The following FGGY variants were observed in gnomAD, a reference collection of about 807,000 sequenced individuals.
The protein encoded by FGGY is FGGY carbohydrate kinase domain-containing protein.
A neutral mutation model predicts 71.3 loss-of-function variants in FGGY; 72 were observed. That is an observed-to-expected ratio of 1.01 (90% CI 0.84 to 1.23). FGGY has a LOEUF of 1.23. FGGY is among the 50% of genes most tolerant of loss of function. FGGY has a pLI of 0.00. For missense variants in FGGY, 668 were observed against 682.3 expected (o/e 0.98, Z 0.23); for synonymous variants, 251 against 250.3 (o/e 1.00, Z -0.02).
In FGGY at chr1:59,531,520, T is replaced by C. The variant is rs866917611; in HGVS notation, c.799+19081T>C. 5.9e-5 allele frequency among the ~76,000 whole-genome samples: 9 copies of C among 152,240 alleles called. No homozygotes were observed. In the South Asian group the frequency reaches 1.5e-3, roughly 25 times the overall value. Reference sequence around the variant, plus strand: ...TACTAAAGGACTTGAGGGGCCAAGATCAAAAGAGAAGCCTACAGAGCTGGG... The same window carrying C: ...TACTAAAGGACTTGAGGGGCCAAGACCAAAAGAGAAGCCTACAGAGCTGGG... On this transcript the variant is annotated intron_variant, in intron 7 of 15. Coordinates refer to ENST00000303721, the MANE Select transcript of FGGY (RefSeq NM_018291.5).
intron 8 of FGGY, among the ~76,000 whole-genome samples, chr1:59,574,253 G>A (rs767265978): frequency 1.9e-4 from 29 of 152,162 alleles, no homozygotes; most frequent in Non-Finnish European, 3.5e-4. Context: ...GTGGCTGCTG[G>A]CATTCCTTGG....
intron 5 of FGGY, among the ~76,000 whole-genome samples, chr1:59,401,232 A>C (rs771685056): frequency 1.3e-5 from 2 of 152,208 alleles, no homozygotes; most frequent in African/African-American, 4.8e-5. Context: ...TTTTTCTGTC[A>C]TAATATTCAA....
chr1:59,653,267 G>A (rs907879865), intron 11 of FGGY, among the ~76,000 whole-genome samples: 2 of 152,252 alleles, frequency 1.3e-5, no homozygotes, highest in African/African-American at 4.8e-5. Flanking sequence ...TCCTTGAGCT[G>A]TGGTGGACTC....
chr1:59,424,016 C>G (rs2065896590), intron 5 of FGGY, among the ~76,000 whole-genome samples: 1 of 152,220 alleles, frequency 6.6e-6, no homozygotes, highest in Admixed American at 6.5e-5. Context: ...ACAGTACTTA[C>G]TACATAGGCC....
intron 6 of FGGY, among the ~76,000 whole-genome samples, chr1:59,492,124 A>G (rs969597368): frequency 1.3e-5 from 2 of 152,122 alleles, no homozygotes; most frequent in African/African-American, 4.8e-5. Flanking sequence ...ACTATTGTTC[A>G]TTTATTTATG....
At chr1:59,369,343 G>A (rs1007258768) in intron 4 of FGGY, among the ~76,000 whole-genome samples, 5 of 152,228 alleles carry the variant, frequency 3.3e-5, no homozygotes, top group African/African-American at 7.2e-5. Flanking sequence ...ACTGCAAGGC[G>A]GCAGCGAGGC....
intron 14 of FGGY, among the ~76,000 whole-genome samples, chr1:59,730,500 G>A (rs183015845): frequency 2.4e-4 from 36 of 152,256 alleles, no homozygotes; most frequent in African/African-American, 8.4e-4. Flanking sequence ...AATAGCACCT[G>A]ACTCAAAGTA....
chr1:59,748,651 C>G (rs938507647), intron 14 of FGGY, among the ~76,000 whole-genome samples: 1 of 152,108 alleles, frequency 6.6e-6, no homozygotes, highest in Non-Finnish European at 1.5e-5. Flanking sequence ...ATTCAAAAAG[C>G]GATGGAACAC....
intron 8 of FGGY, among the ~76,000 whole-genome samples, chr1:59,565,475 G>T (rs901503967): frequency 6.6e-6 from 1 of 152,116 alleles, no homozygotes; most frequent in Non-Finnish European, 1.5e-5. Context: ...TAGTAGAGAC[G>T]GGGTTTCACC....
rs1182154326 is a variant in FGGY at position 59,635,541 on chromosome 1, T to C, written c.1074-2687T>C. On this transcript the variant is annotated intron_variant, in intron 10 of 15. Transcript: ENST00000303721. ...GGCAGAATGAAAAGATTTATAGACA[T>C]GCGTTTCCAAAAAAAAAAAAAAAAA... Among the ~76,000 whole-genome samples the C allele has an allele frequency of 3.1e-5, 4 of 131,096 alleles. No individual in the cohort carries two copies. The Admixed American group carries it at 3.1e-4, about 10-fold the overall frequency. The allele number at this position is 131,096 out of a possible 152,430, so 86.0% of individuals were successfully genotyped here. A position where few individuals can be genotyped will look rare whatever the true frequency, so the allele number is the denominator to read the frequency against.
At position 59,757,967 on chromosome 1, in the gene FGGY, G is replaced by C. The variant is rs560644175; in HGVS notation, c.1549G>C (p.Val517Leu). The change falls in exon 15 of 16, where the codon GTG (valine) becomes CTG (leucine). Residue 517 changes from valine (V) to leucine (L), a missense_variant. Val to Leu is a conservative substitution (Grantham distance 32). Transcript: ENST00000303721. Reference sequence around the variant, plus strand: ...AAAAATGAGCAAAGTTGGGAAAGTTGTGTTCCCGAGACTACAGGATAAAAA... The same window carrying C: ...AAAAATGAGCAAAGTTGGGAAAGTTCTGTTCCCGAGACTACAGGATAAAAA... Reference protein sequence around the residue: ...MAKMSKVGKVVFPRLQDKKYY... With the variant: ...MAKMSKVGKVLFPRLQDKKYY... The C allele has an allele frequency of 6.2e-7, 1 of 1,613,152 alleles. No homozygotes were observed. The highest frequency in any genetic ancestry group is 1.1e-5 in the South Asian group (1 of 90,862).
chr1:59,616,091 A>T (rs2096750109), intron 9 of FGGY, among the ~76,000 whole-genome samples: 1 of 152,212 alleles, frequency 6.6e-6, no homozygotes, highest in Non-Finnish European at 1.5e-5. Context: ...TTCCTCAGGG[A>T]TCTAGAACTA....
intron 8 of FGGY, among the ~76,000 whole-genome samples, chr1:59,580,412 A>G (rs1317611240): frequency 6.6e-6 from 1 of 152,048 alleles, no homozygotes; most frequent in African/African-American, 2.4e-5. Context: ...CCCCAGCCCC[A>G]AGTGAGCCTG....
chr1:59,686,487 A>G (rs1396118940), intron 14 of FGGY, among the ~76,000 whole-genome samples: 1 of 152,226 alleles, frequency 6.6e-6, no homozygotes, highest in African/African-American at 2.4e-5. Flanking sequence ...GGACTTTTAT[A>G]AACCACATTA....
At chr1:59,311,304 G>A (rs1445756673) in intron 1 of FGGY, among the ~76,000 whole-genome samples, 1 of 150,994 alleles carries the variant, frequency 6.6e-6, no homozygotes, top group African/African-American at 2.4e-5. Flanking sequence ...GGATACATGT[G>A]TAGAACCTGC....
chr1:59,609,283 C>T (rs1256545239), intron 9 of FGGY, among the ~76,000 whole-genome samples: 1 of 152,218 alleles, frequency 6.6e-6, no homozygotes, highest in Non-Finnish European at 1.5e-5. Context: ...CCCTGTAAAA[C>T]ATGCTAAGGA....
intron 5 of FGGY, among the ~76,000 whole-genome samples, chr1:59,453,083 C>T (rs2091349998): frequency 6.6e-6 from 1 of 152,206 alleles, no homozygotes; most frequent in Non-Finnish European, 1.5e-5. Context: ...TTTTCTTTCC[C>T]TCCTGGAGAG....
chr1:59,452,087 T>C (rs1479420168), intron 5 of FGGY, among the ~76,000 whole-genome samples: 1 of 151,904 alleles, frequency 6.6e-6, no homozygotes, highest in Non-Finnish European at 1.5e-5. Flanking sequence ...TTTCTTTTTT[T>C]TTTTTTATTC....
At chr1:59,594,279 C>T (rs2096493171) in intron 8 of FGGY, among the ~76,000 whole-genome samples, 1 of 152,184 alleles carries the variant, frequency 6.6e-6, no homozygotes, top group Non-Finnish European at 1.5e-5. Flanking sequence ...GTAGATTAAA[C>T]ATTTCCTAGC....
Sources: gnomAD v4.1 joint callset for allele counts (sites outside exome capture counted in the v4.1 genomes callset) on GRCh38, gnomAD v4.1.1 for gene constraint, MANE v1.5 for transcripts, NCBI Gene and HGNC (gene_info 2026-07-23, HGNC 2026-07-21) for gene names.